The following C9orf72 variants were observed in gnomAD, a reference collection of about 807,000 sequenced individuals.
The protein encoded by C9orf72 is guanine nucleotide exchange factor C9orf72.
A neutral mutation model predicts 51.6 loss-of-function variants in C9orf72; 44 were observed. The observed-to-expected ratio is 0.85, with a 90% CI of 0.67 to 1.10. The LOEUF (loss-of-function observed/expected upper bound fraction) is 1.10. Ranked by LOEUF, C9orf72 falls within the 50% of genes least tolerant of loss-of-function variation. The probability of loss-of-function intolerance (pLI) is 0.00; values close to 1 mark genes in which losing one functional copy is unlikely to be tolerated. For missense variants in C9orf72, 607 were observed against 570.6 expected, an observed-to-expected ratio of 1.06 and a Z score of -0.65; for synonymous variants, 213 against 194.2, an observed-to-expected ratio of 1.10 and a Z score of -0.81.
intron 5 of C9orf72, chr9:27,560,569 C>A (rs1022507248): frequency 6.5e-6 from 5 of 765,504 alleles, no homozygotes; most frequent in Admixed American, 1.0e-4. Flanking sequence ...GAAATACCAT[C>A]ATTTTATAGC....
intron 3 of C9orf72, among the ~76,000 whole-genome samples, chr9:27,562,922 A>T (rs1163149822): frequency 1.3e-5 from 2 of 151,934 alleles, no homozygotes; most frequent in Non-Finnish European, 2.9e-5. Context: ...CCTAAAGCTC[A>T]CTTTTATTCT....
At chr9:27,562,883 T>C (rs10441712) in intron 3 of C9orf72, among the ~76,000 whole-genome samples, 65,297 of 151,804 alleles carry the variant, frequency 0.43, 14,180 homozygotes, top group South Asian at 0.49. Context: ...GTTGGCCAGG[T>C]TGGTGTCAAA....
Position 27,548,433 on chromosome 9 carries a change from TGGAAAA to T in C9orf72, c.1260-17_1260-12del. On this transcript the variant is annotated splice_polypyrimidine_tract_variant and intron_variant, in intron 10 of 10. Transcript: ENST00000380003. Reference sequence around the variant, plus strand: ...TTTTTTCCCTTCTGCCTAAAAATAATGGAAAAAAAAAAAAAAAAAAAAAAAAAAGAA... The same window carrying T: ...TTTTTTCCCTTCTGCCTAAAAATAATAAAAAAAAAAAAAAAAAAAAAAGAA... The T allele has an allele frequency of 1.4e-5, 4 of 286,080 alleles. No homozygotes were observed. The highest frequency in any genetic ancestry group is 1.7e-5 in the Non-Finnish European group (4 of 232,296). The allele number at this position is 286,080 out of a possible 1,614,324, so 17.7% of individuals were successfully genotyped here. A position where few individuals can be genotyped will look rare whatever the true frequency, so the allele number is the denominator to read the frequency against.
intron 8 of C9orf72, chr9:27,554,639 CA>C (rs577702879): frequency 1.3e-4 from 48 of 371,914 alleles, no homozygotes; most frequent in Middle Eastern, 6.6e-4. Context: ...AAATAAAAGT[CA>C]AAAAAAAAAT....
chr9:27,557,569 A>G (rs1016026802), intron 7 of C9orf72, among the ~76,000 whole-genome samples: 1 of 152,138 alleles, frequency 6.6e-6, no homozygotes, highest in African/African-American at 2.4e-5. Flanking sequence ...GGCATCTGGT[A>G]TAGGTCCCTT....
intron 9 of C9orf72, among the ~76,000 whole-genome samples, chr9:27,549,873 A>G (rs1820871198): frequency 6.6e-6 from 1 of 151,762 alleles, no homozygotes; most frequent in Non-Finnish European, 1.5e-5. Flanking sequence ...TTGTTAATAT[A>G]CAGGCTCTTC....
chr9:27,552,023 T>G (rs1289400446), intron 8 of C9orf72, among the ~76,000 whole-genome samples: 1 of 152,194 alleles, frequency 6.6e-6, no homozygotes, highest in East Asian at 1.9e-4. Context: ...TGCTGAAATT[T>G]TTAACAGATT....
At chr9:27,551,068 C>T (rs765603448) in intron 8 of C9orf72, among the ~76,000 whole-genome samples, 81 of 142,594 alleles carry the variant, frequency 5.7e-4, no homozygotes, top group Non-Finnish European at 1.0e-3. Context: ...ATAAAACTAC[C>T]AATTCTTGCC....
chr9:27,557,289 TG>T (rs752671686), intron 7 of C9orf72, among the ~76,000 whole-genome samples: 19 of 152,196 alleles, frequency 1.2e-4, no homozygotes, highest in Non-Finnish European at 2.5e-4. Context: ...TGCACCTCAA[TG>T]AGTATGTATT....
intron 6 of C9orf72, 30 bp downstream of exon 6, chr9:27,560,187 TAAAGAGTCAA>T (rs1175497666): frequency 7.4e-7 from 1 of 1,349,106 alleles, no homozygotes; most frequent in Non-Finnish European, 1.0e-6. Flanking sequence ...TCATCAGTCT[TAAAGAGTCAA>T]ATCATTTGCT....
At chr9:27,553,007 T>C (rs1302564739) in intron 8 of C9orf72, among the ~76,000 whole-genome samples, 2 of 152,138 alleles carry the variant, frequency 1.3e-5, no homozygotes, top group African/African-American at 2.4e-5. Flanking sequence ...TCCTCCTCAA[T>C]TTTTTGGAAC....
chr9:27,562,710 T>C (rs993669803), intron 3 of C9orf72, among the ~76,000 whole-genome samples: 2 of 151,888 alleles, frequency 1.3e-5, no homozygotes, highest in East Asian at 3.9e-4. Context: ...TTTGCTTTCA[T>C]TGCTCAGGCT....
rs1283410784 is a variant in C9orf72 at position 27,556,774 on chromosome 9, A to T, written c.878T>A (p.Leu293Gln). 2 of 1,613,542 alleles carry T rather than the reference A, an allele frequency of 1.2e-6. No homozygotes were observed. The highest frequency in any genetic ancestry group is 3.3e-5 in the Admixed American group (2 of 60,002). Residue 293 changes from leucine to glutamine, a missense_variant, in exon 8 of 11, where the codon CTG becomes CAG. Physicochemically the swap from Leu to Gln is moderately radical, Grantham distance 113 (BLOSUM62 -2). Transcript: ENST00000380003. Reference sequence around the variant, plus strand: ...AGCATACATGACTTGCCGGAAAGGCAGCACAAAGCTTCCAGTTGAATCCTG... The same window carrying T: ...AGCATACATGACTTGCCGGAAAGGCTGCACAAAGCTTCCAGTTGAATCCTG... ...LLKDSTGSFV[L>Q]PFRQVMYAPY...
intron 8 of C9orf72, chr9:27,554,754 A>T: frequency 2.5e-6 from 1 of 394,932 alleles, no homozygotes. Flanking sequence ...TATACTTAAA[A>T]GTAAAATGAC....
chr9:27,553,148 A>G (rs898089742), intron 8 of C9orf72, among the ~76,000 whole-genome samples: 2 of 152,204 alleles, frequency 1.3e-5, no homozygotes, highest in African/African-American at 4.8e-5. Context: ...TACTGCCCAA[A>G]GCAATCTACA....
chr9:27,572,463 CT>C (rs35095891), intron 1 of C9orf72, among the ~76,000 whole-genome samples: 3,491 of 147,672 alleles, frequency 0.024, 123 homozygotes, highest in African/African-American at 0.078. Context: ...TTAACAGTAT[CT>C]TTTTTTTTTT....
At position 27,547,852 on chromosome 9, in the gene C9orf72, G is replaced by A. The variant is rs1820801041; in HGVS notation, c.*384C>T. The A allele has an allele frequency of 6.5e-6, 1 of 154,718 alleles. No homozygotes were observed. The highest frequency in any genetic ancestry group is 1.4e-5 in the Non-Finnish European group (1 of 69,516). 9.6% of individuals were successfully genotyped at this position (154,718 alleles called of 1,614,324 possible). ...TTCTACACACCAAAGAATGCCAAAA[G>A]ATAGAAAGTCAACTATCTGTAAAAG... On this transcript the variant is annotated 3_prime_UTR_variant, in exon 11 of 11. Coordinates refer to ENST00000380003, the MANE Select transcript of C9orf72 (RefSeq NM_018325.5).
In C9orf72 at chr9:27,556,799, G is replaced by A. The variant is rs1563901239; in HGVS notation, c.856-3C>T. On this transcript the variant is annotated splice_polypyrimidine_tract_variant and splice_region_variant and intron_variant, in intron 7 of 10. Transcript: ENST00000380003. ...AGCACAAAGCTTCCAGTTGAATCCT[G>A]TCAAAATAAAAGGAAAATTTACTGT... 1 of 1,599,244 alleles carries A rather than the reference G, an allele frequency of 6.3e-7. No homozygotes were observed. The highest frequency in any genetic ancestry group is 1.7e-5 in the Admixed American group (1 of 59,842).
intron 1 of C9orf72, among the ~76,000 whole-genome samples, chr9:27,572,450 A>T (rs1436437356): frequency 6.7e-6 from 1 of 148,858 alleles, no homozygotes; most frequent in Admixed American, 6.7e-5. Context: ...GAAAAATCAT[A>T]TCTTAACAGT....
Sources: gnomAD v4.1 joint callset for allele counts (sites outside exome capture counted in the v4.1 genomes callset) on GRCh38, gnomAD v4.1.1 for gene constraint, MANE v1.5 for transcripts, NCBI Gene and HGNC (gene_info 2026-07-23, HGNC 2026-07-21) for gene names.